OR9Q1: variants seen among roughly 807,000 people sequenced by gnomAD.
OR9Q1 encodes the protein olfactory receptor family 9 subfamily Q member 1.
For missense variants in OR9Q1, 374 were observed against 378.8 expected (o/e 0.99, Z 0.11); for synonymous variants, 153 against 148.6 (o/e 1.03, Z -0.22).
intron 2 of OR9Q1, among the ~76,000 whole-genome samples, chr11:58,146,660 A>G (rs894975034): frequency 1.3e-5 from 2 of 152,230 alleles, no homozygotes; most frequent in Non-Finnish European, 2.9e-5. Context: ...TATGCTATAT[A>G]ATAGGGTTCC....
intron 2 of OR9Q1, 22 bp from the exon 3 acceptor site, chr11:58,179,409 C>T: frequency 3.6e-6 from 5 of 1,400,766 alleles, no homozygotes; most frequent in Non-Finnish European, 3.9e-6. Flanking sequence ...TCCTAACTTG[C>T]TTCCCATTCT....
At chr11:58,178,172 AT>A (rs1854623051) in intron 2 of OR9Q1, among the ~76,000 whole-genome samples, 1 of 152,212 alleles carries the variant, frequency 6.6e-6, no homozygotes, top group Admixed American at 6.5e-5. Context: ...CATTTCCAAC[AT>A]GTGGAGGAGT....
intron 2 of OR9Q1, among the ~76,000 whole-genome samples, chr11:58,066,305 G>C (rs1003770456): frequency 6.6e-6 from 1 of 152,252 alleles, no homozygotes; most frequent in East Asian, 1.9e-4. Context: ...AGGTAGCTGG[G>C]GGTCCAGATA....
intron 2 of OR9Q1, among the ~76,000 whole-genome samples, chr11:58,064,652 C>T (rs1853411467): frequency 6.6e-6 from 1 of 152,066 alleles, no homozygotes; most frequent in Non-Finnish European, 1.5e-5. Context: ...TGCAGTCCCA[C>T]AGTGATGTCG....
chr11:58,090,952 G>A (rs1853678168), intron 2 of OR9Q1, among the ~76,000 whole-genome samples: 1 of 152,120 alleles, frequency 6.6e-6, no homozygotes, highest in African/African-American at 2.4e-5. Context: ...AGCATTCTCT[G>A]ATGGTAGTTT....
rs111907773 is a variant in OR9Q1, at chr11:58,155,673, A to G, written c.-14-23758A>G. Among the ~76,000 whole-genome samples the G allele has an allele frequency of 5.8e-3, 889 of 152,314 alleles. 11 individuals carry two copies. Among genetic ancestry groups the G allele is most frequent in the African/African-American group, 0.021 (855 of 41,570 alleles). On this transcript the variant is annotated intron_variant, in intron 2 of 2. Coordinates refer to ENST00000335397, the MANE Select transcript of OR9Q1 (RefSeq NM_001005212.4). The stretch of plus-strand genomic sequence containing the variant: ...GCTGCCTCCATTATTCCTGTGAGAT[A>G]TTGAACAAGTGGCACAATCATTCTG...
At chr11:58,068,257 A>G (rs1590569425) in intron 2 of OR9Q1, among the ~76,000 whole-genome samples, 1 of 151,632 alleles carries the variant, frequency 6.6e-6, no homozygotes, top group African/African-American at 2.4e-5. Context: ...CTGAGGCAGG[A>G]GAATCACTTG....
At chr11:58,034,339 G>A (rs543302467) in intron 1 of OR9Q1, among the ~76,000 whole-genome samples, 4 of 151,638 alleles carry the variant, frequency 2.6e-5, no homozygotes, top group African/African-American at 7.3e-5. Flanking sequence ...TGCCCACCTC[G>A]GCCTCCCAAA....
chr11:58,061,119 C>T (rs1853377135), intron 2 of OR9Q1, among the ~76,000 whole-genome samples: 1 of 152,122 alleles, frequency 6.6e-6, no homozygotes, highest in African/African-American at 2.4e-5. Flanking sequence ...TTCCTGCTTT[C>T]CTTCCCCTAC....
At chr11:58,135,072 C>G (rs1015707566) in intron 2 of OR9Q1, among the ~76,000 whole-genome samples, 1 of 152,062 alleles carries the variant, frequency 6.6e-6, no homozygotes, top group East Asian at 1.9e-4. Flanking sequence ...GATGTCATAC[C>G]CATCTTATAT....
intron 2 of OR9Q1, among the ~76,000 whole-genome samples, chr11:58,074,954 C>T (rs1314733508): frequency 6.6e-6 from 1 of 151,992 alleles, no homozygotes; most frequent in Non-Finnish European, 1.5e-5. Flanking sequence ...TGTTCTGTTC[C>T]TTTGGTCTGT....
intron 1 of OR9Q1, among the ~76,000 whole-genome samples, chr11:58,036,134 A>C (rs932253180): frequency 3.9e-5 from 6 of 152,132 alleles, no homozygotes; most frequent in Non-Finnish European, 1.5e-5. Flanking sequence ...TTTTGATGTC[A>C]CTATTGTCAT....
At chr11:58,055,595 T>C (rs549356575) in intron 1 of OR9Q1, among the ~76,000 whole-genome samples, 6 of 152,122 alleles carry the variant, frequency 3.9e-5, no homozygotes, top group Admixed American at 3.3e-4. Context: ...GACCAGGAGT[T>C]TGAGACTAGT....
chr11:58,168,618 T>C (rs1854527377), intron 2 of OR9Q1, among the ~76,000 whole-genome samples: 1 of 152,190 alleles, frequency 6.6e-6, no homozygotes, highest in Admixed American at 6.5e-5. Flanking sequence ...GCCTCTTTTT[T>C]TTCCCTTTGG....
At chr11:58,075,334 G>A (rs959380358) in intron 2 of OR9Q1, 1 of 152,182 alleles carries the variant, frequency 6.6e-6, no homozygotes, top group African/African-American at 2.4e-5. Context: ...TCCCTTGTAA[G>A]TTGTATTCCT....
chr11:58,094,811 A>G (rs1482245126), intron 2 of OR9Q1, among the ~76,000 whole-genome samples: 3 of 152,246 alleles, frequency 2.0e-5, no homozygotes, highest in Non-Finnish European at 4.4e-5. Flanking sequence ...AATGACGTGT[A>G]AACACACCTG....
intron 2 of OR9Q1, among the ~76,000 whole-genome samples, chr11:58,111,113 A>G (rs981886420): frequency 9.9e-5 from 15 of 152,164 alleles, no homozygotes; most frequent in African/African-American, 3.6e-4. Flanking sequence ...AATTCCTAAT[A>G]ATTAACAACT....
At chr11:58,176,962 G>A (rs977771766) in intron 2 of OR9Q1, among the ~76,000 whole-genome samples, 2 of 152,162 alleles carry the variant, frequency 1.3e-5, no homozygotes, top group African/African-American at 4.8e-5. Flanking sequence ...GGACCTGCCA[G>A]GTAAAGATGT....
At chr11:58,057,264 G>A (rs761917759) in intron 2 of OR9Q1, among the ~76,000 whole-genome samples, 2 of 152,104 alleles carry the variant, frequency 1.3e-5, no homozygotes, top group Non-Finnish European at 2.9e-5. Context: ...TGGGATTACA[G>A]GTATGAGCCA....
Sources: allele counts gnomAD v4.1 joint callset (sites outside exome capture counted in the v4.1 genomes callset), GRCh38; gene constraint gnomAD v4.1.1; transcripts MANE v1.5; gene names NCBI Gene and HGNC (gene_info 2026-07-23, HGNC 2026-07-21).